Variants in WWOX observed in about 807,000 individuals in gnomAD.
WWOX encodes WW domain-containing oxidoreductase.
WWOX carries 69 observed loss-of-function variants against 46.2 expected under a neutral mutation model. That is an observed-to-expected ratio of 1.49 (90% CI 1.23 to 1.82). WWOX has a LOEUF of 1.82. Among genes scored for constraint, WWOX ranks in the 40% most tolerant of loss-of-function variants. WWOX has a pLI of 0.00. For missense variants in WWOX, 919 were observed against 542.6 expected (o/e 1.69, Z -6.89); for synonymous variants, 359 against 202.6 (o/e 1.77, Z -6.56).
chr16:79,077,553 T>C (rs895220568), intron 8 of WWOX: 1 of 152,054 alleles, frequency 6.6e-6, no homozygotes, highest in Non-Finnish European at 1.5e-5. Flanking sequence ...GGCTCATTGC[T>C]TACATACCGA....
chr16:79,210,670 C>G (rs1020873750), intron 8 of WWOX, among the ~76,000 whole-genome samples: 1 of 152,094 alleles, frequency 6.6e-6, no homozygotes, highest in African/African-American at 2.4e-5. Flanking sequence ...AAATTAGAGA[C>G]GTGCCGACCA....
chr16:78,378,631 C>A (rs527663912), intron 5 of WWOX, among the ~76,000 whole-genome samples: 56 of 152,296 alleles, frequency 3.7e-4, no homozygotes, highest in African/African-American at 1.3e-3. Flanking sequence ...GTGTCTCTTG[C>A]TGTTGTAAAT....
At chr16:78,848,520 C>T (rs1266200225) in intron 8 of WWOX, among the ~76,000 whole-genome samples, 1 of 152,150 alleles carries the variant, frequency 6.6e-6, no homozygotes, top group Admixed American at 6.5e-5. Context: ...ACTGTGAATG[C>T]TGGGGAATGG....
At chr16:79,179,586 G>C (rs2050868908) in intron 8 of WWOX, among the ~76,000 whole-genome samples, 1 of 152,212 alleles carries the variant, frequency 6.6e-6, no homozygotes, top group Non-Finnish European at 1.5e-5. Flanking sequence ...GGTGTGGAAA[G>C]CAATGTAGCT....
intron 8 of WWOX, among the ~76,000 whole-genome samples, chr16:78,519,503 A>G (rs957757456): frequency 6.6e-6 from 1 of 151,590 alleles, no homozygotes; most frequent in African/African-American, 2.4e-5. Flanking sequence ...ATATATATAT[A>G]TATTACATAT....
At chr16:79,137,369 C>T (rs118065180) in intron 8 of WWOX, among the ~76,000 whole-genome samples, 2 of 152,308 alleles carry the variant, frequency 1.3e-5, no homozygotes, top group East Asian at 3.9e-4. Flanking sequence ...TAAGTTAACA[C>T]TACTTTTATT....
intron 8 of WWOX, among the ~76,000 whole-genome samples, chr16:78,528,556 G>C (rs1377757982): frequency 6.6e-6 from 1 of 152,168 alleles, no homozygotes; most frequent in Admixed American, 6.5e-5. Flanking sequence ...GTGGAGGTAA[G>C]AGAATGTTTT....
intron 8 of WWOX, among the ~76,000 whole-genome samples, chr16:78,919,706 G>C (rs1048829887): frequency 2.6e-5 from 4 of 151,778 alleles, no homozygotes; most frequent in African/African-American, 9.7e-5. Flanking sequence ...TTAGGAGAGA[G>C]GGGTTTTACC....
intron 8 of WWOX, among the ~76,000 whole-genome samples, chr16:78,658,021 T>G (rs2047120689): frequency 6.6e-6 from 1 of 152,120 alleles, no homozygotes; most frequent in African/African-American, 2.4e-5. Flanking sequence ...CTTGGCACTA[T>G]TGACATTTTA....
At chr16:78,292,035 T>A (rs1348052685) in intron 5 of WWOX, among the ~76,000 whole-genome samples, 1 of 151,838 alleles carries the variant, frequency 6.6e-6, no homozygotes, top group African/African-American at 2.4e-5. Flanking sequence ...GTTTTTTGTA[T>A]GGCTTATGAG....
chr16:78,661,342 G>A (rs189118988), intron 8 of WWOX, among the ~76,000 whole-genome samples: 23 of 152,222 alleles, frequency 1.5e-4, no homozygotes, highest in African/African-American at 4.1e-4. Flanking sequence ...CTATTGTATC[G>A]TAAGGTTCTT....
intron 8 of WWOX, among the ~76,000 whole-genome samples, chr16:78,586,881 A>G (rs930936465): frequency 9.9e-5 from 15 of 152,132 alleles, no homozygotes; most frequent in African/African-American, 3.1e-4. Context: ...ACTGTGTACC[A>G]TGTTGCATGC....
chr16:78,994,967 T>G lies in WWOX; in HGVS notation c.1057-216641T>G, dbSNP rs796791876. On this transcript the variant is annotated intron_variant, in intron 8 of 8. Transcript: ENST00000566780. The stretch of plus-strand genomic sequence containing the variant: ...TTTCTTTCTTTTCTTCTTCTTCTTC[T>G]TCTTTTTTTTTTTTTTTTTTTGTTT... Among the ~76,000 whole-genome samples the G allele has an allele frequency of 1.2e-3, 58 of 50,120 alleles. 2 individuals are homozygous for G. Among genetic ancestry groups the G allele is most frequent in the African/African-American group, 3.6e-3 (57 of 15,706 alleles). 32.9% of individuals were successfully genotyped at this position (50,120 alleles called of 152,430 possible). A position where few individuals can be genotyped will look rare whatever the true frequency, so the allele number is the denominator to read the frequency against.
At chr16:79,152,221 A>T (rs941600191) in intron 8 of WWOX, among the ~76,000 whole-genome samples, 1 of 152,168 alleles carries the variant, frequency 6.6e-6, no homozygotes, top group African/African-American at 2.4e-5. Context: ...GGATTCGCTG[A>T]CCCATGCTGG....
At chr16:78,670,455 C>T (rs1404658161) in intron 8 of WWOX, among the ~76,000 whole-genome samples, 2 of 152,126 alleles carry the variant, frequency 1.3e-5, no homozygotes, top group African/African-American at 4.8e-5. Flanking sequence ...GGGCTGATCT[C>T]TGAGAAACTT....
Position 78,111,759 on chromosome 16 carries a change from C to T in WWOX, c.230+1924C>T, listed in dbSNP as rs182365422. The T allele has an allele frequency of 2.0e-4, 32 of 159,486 alleles. No individual in the cohort carries two copies. In the Middle Eastern group the frequency reaches 9.4e-3, roughly 47 times the overall value. 9.9% of individuals were successfully genotyped at this position (159,486 alleles called of 1,614,324 possible). Reference sequence around the variant, plus strand: ...GTACTCCTGGTTCCTCTTTGAAGTACGTAGTAGATAGTGGTAGAAGAAATG... The same window carrying T: ...GTACTCCTGGTTCCTCTTTGAAGTATGTAGTAGATAGTGGTAGAAGAAATG... On this transcript the variant is annotated intron_variant, in intron 3 of 8. Coordinates refer to ENST00000566780, the MANE Select transcript of WWOX (RefSeq NM_016373.4).
chr16:78,935,694 A>C (rs1441250995), intron 8 of WWOX, among the ~76,000 whole-genome samples: 1 of 152,072 alleles, frequency 6.6e-6, no homozygotes. Context: ...GACATGGCAC[A>C]TGTATACTTA....
intron 4 of WWOX, among the ~76,000 whole-genome samples, chr16:78,127,384 G>A (rs2033405457): frequency 6.6e-6 from 1 of 151,990 alleles, no homozygotes; most frequent in Non-Finnish European, 1.5e-5. Context: ...CATAATCTCT[G>A]TGAATTTGTC....
intron 8 of WWOX, among the ~76,000 whole-genome samples, chr16:79,045,496 T>C (rs977750494): frequency 3.3e-5 from 5 of 152,182 alleles, no homozygotes; most frequent in South Asian, 2.1e-4. Context: ...AGAGACTATG[T>C]TGTTAGTTTC....
Sources: gnomAD v4.1 joint callset for allele counts (sites outside exome capture counted in the v4.1 genomes callset) on GRCh38, gnomAD v4.1.1 for gene constraint, MANE v1.5 for transcripts, NCBI Gene and HGNC (gene_info 2026-07-23, HGNC 2026-07-21) for gene names.